The following CWC22 variants were observed in gnomAD, a reference collection of about 807,000 sequenced individuals.
CWC22 encodes pre-mRNA-splicing factor CWC22 homolog.
CWC22 carries 53 observed loss-of-function variants against 117.2 expected under a neutral mutation model. That is an observed-to-expected ratio of 0.45 (90% CI 0.36 to 0.57). CWC22 has a LOEUF of 0.57. Ranked by LOEUF, CWC22 falls within the 20% of genes least tolerant of loss-of-function variation. The pLI, the probability that CWC22 is intolerant of heterozygous loss-of-function variation, is 0.00. For synonymous variants in CWC22, 360 were observed against 355.6 expected, an observed-to-expected ratio of 1.01 and a Z score of -0.14; for missense variants, 980 against 1,068.8, an observed-to-expected ratio of 0.92 and a Z score of 1.16.
rs1411945384 is a variant in CWC22, at chr2:179,965,927, A to G, written c.1266T>C (p.Ser422=). The G allele has an allele frequency of 2.5e-6, 4 of 1,608,776 alleles. No individual in the cohort carries two copies. In the Admixed American group the frequency reaches 6.7e-5, roughly 27 times the overall value. The part of the protein sequence containing the change: ...DSNTDQDAGS[S]EEDEEEEEEE... ...CCTCTTCTTCTTCCTCGTCCTCTTC[A>G]CTACTCCCAGCATCCTGGTCTGTGT... Residue 422 remains serine, a synonymous_variant, in exon 12 of 20, where the codon AGT becomes AGC. Transcript: ENST00000410053.
In CWC22 at chr2:179,945,307, T is replaced by C. The variant is rs1413548655; in HGVS notation, c.2549A>G (p.Asp850Gly). ...IKDSENFRRK[D>G]RSKSKEMNRK... Reference sequence around the variant, plus strand: ...ATTCATTTCCTTTGACTTTGATCTATCTTTTCTTCTGAAATTTTCACTGTC... The same window carrying C: ...ATTCATTTCCTTTGACTTTGATCTACCTTTTCTTCTGAAATTTTCACTGTC... Residue 850 changes from aspartate (D) to glycine (G), a missense_variant, in exon 20 of 20, where the codon GAT becomes GGT. By Grantham distance (94) the Asp-to-Gly change is moderately conservative. This residue lies in a region of CWC22 where 306 missense variants were observed against 296.8 expected (regional missense o/e 1.03). Coordinates refer to ENST00000410053, the MANE Select transcript of CWC22 (RefSeq NM_020943.3). The C allele has an allele frequency of 6.2e-7, 1 of 1,613,438 alleles. No individual in the cohort carries two copies. The highest frequency in any genetic ancestry group is 2.2e-5 in the East Asian group (1 of 44,872).
chr2:180,005,474 G>A (rs188995097), intron 1 of CWC22, among the ~76,000 whole-genome samples: 16 of 152,326 alleles, frequency 1.1e-4, no homozygotes, highest in African/African-American at 3.6e-4. Flanking sequence ...TACTTGGGAG[G>A]CTGAGGCAGG....
intron 13 of CWC22, among the ~76,000 whole-genome samples, chr2:179,963,300 T>C (rs1031695968): frequency 4.0e-5 from 6 of 151,700 alleles, no homozygotes; most frequent in Admixed American, 3.9e-4. Context: ...ATTTCTCACT[T>C]TTCACTTTAA....
At chr2:179,973,166 G>A (rs146623301) in intron 8 of CWC22, 27 bp downstream of exon 8, 1 of 1,540,460 alleles carries the variant, frequency 6.5e-7, no homozygotes, top group Non-Finnish European at 8.9e-7. Flanking sequence ...CACTGAATGG[G>A]ACCAAGTATT....
intron 3 of CWC22, among the ~76,000 whole-genome samples, chr2:179,988,039 C>T (rs974136275): frequency 2.0e-5 from 3 of 152,042 alleles, no homozygotes; most frequent in Admixed American, 6.6e-5. Flanking sequence ...CTAGATCCCT[C>T]ACATGCACAG....
rs763949244 is a variant in CWC22, at chr2:179,970,730, C to A, written c.1067G>T (p.Gly356Val). Reference sequence around the variant, plus strand: ...ATCATCTTCTTCCACCAAATCAAGACCTTCTAGGATAATGGGGTGGTCCTT... The same window carrying A: ...ATCATCTTCTTCCACCAAATCAAGAACTTCTAGGATAATGGGGTGGTCCTT... ...GFKDHPIILEGLDLVEEDDQF... is the reference protein window; with the variant it reads ...GFKDHPIILEVLDLVEEDDQF... Residue 356 changes from glycine (G) to valine (V), a missense_variant, in exon 10 of 20, where the codon GGT becomes GTT. Transcript: ENST00000410053. 7 of 1,613,574 alleles carry A rather than the reference C, an allele frequency of 4.3e-6. No homozygotes were observed. The African/African-American group carries it at 5.3e-5, about 12-fold the overall frequency.
chr2:179,951,362 G>A (rs1686444492), intron 17 of CWC22, among the ~76,000 whole-genome samples: 1 of 151,946 alleles, frequency 6.6e-6, no homozygotes, highest in South Asian at 2.1e-4. Flanking sequence ...AGAGGTGGAA[G>A]TCATCAACAA....
In CWC22 at chr2:179,950,880, T is replaced by C. The variant is rs1329485427; in HGVS notation, c.1864A>G (p.Arg622Gly). The change falls in exon 18 of 20, where the codon AGA becomes GGA. Residue 622 changes from arginine (R) to glycine (G), a missense_variant. Physicochemically the swap from Arg to Gly is moderately radical, Grantham distance 125. This residue lies in a region of CWC22 where 115 missense variants were observed against 169.8 expected (regional missense o/e 0.68). Coordinates refer to ENST00000410053, the MANE Select transcript of CWC22 (RefSeq NM_020943.3). ...AAGTTGATGGCAAACCGAGTGTTTC[T>C]TGGATTATCTCGGGGTAATAATCCT... is the stretch of plus-strand genomic sequence containing the variant. ...FEGLLPRDNP[R>G]NTRFAINFFT... The C allele has an allele frequency of 1.9e-6, 3 of 1,590,680 alleles. No individual in the cohort carries two copies. Among genetic ancestry groups the C allele is most frequent in the Non-Finnish European group, 2.6e-6 (3 of 1,167,176 alleles).
chr2:179,988,222 C>T (rs1458453835), intron 3 of CWC22, among the ~76,000 whole-genome samples: 1 of 152,146 alleles, frequency 6.6e-6, no homozygotes, highest in Admixed American at 6.5e-5. Context: ...ATTTTAAAGA[C>T]AATACAGAGC....
At chr2:179,982,281 G>C (rs781352771) in intron 4 of CWC22, among the ~76,000 whole-genome samples, 14 of 152,202 alleles carry the variant, frequency 9.2e-5, no homozygotes, top group Non-Finnish European at 1.6e-4. Context: ...ACTGAGCAGG[G>C]GTGTTAAGGT....
intron 3 of CWC22, among the ~76,000 whole-genome samples, chr2:179,988,145 C>T (rs1429269194): frequency 6.6e-6 from 1 of 152,208 alleles, no homozygotes; most frequent in Non-Finnish European, 1.5e-5. Context: ...GCCTGCTGCT[C>T]ACCTGCTGTG....
At chr2:179,965,024 A>G (rs939261366) in intron 12 of CWC22, among the ~76,000 whole-genome samples, 1 of 152,202 alleles carries the variant, frequency 6.6e-6, no homozygotes, top group Non-Finnish European at 1.5e-5. Context: ...CTAGATCATC[A>G]CGACAGGCTG....
intron 1 of CWC22, among the ~76,000 whole-genome samples, chr2:179,999,557 A>G (rs1440209332): frequency 1.3e-5 from 2 of 152,220 alleles, no homozygotes; most frequent in Admixed American, 1.3e-4. Flanking sequence ...CTCAAAAATT[A>G]AGAAAATGAG....
At chr2:179,958,791 A>T (rs889101616) in intron 14 of CWC22, among the ~76,000 whole-genome samples, 1 of 151,954 alleles carries the variant, frequency 6.6e-6, no homozygotes, top group Non-Finnish European at 1.5e-5. Flanking sequence ...TGTTTCAGAG[A>T]CTCTCTTTTT....
In CWC22 at chr2:179,993,384, C is replaced by A; in HGVS notation, c.-43G>T. The A allele has an allele frequency of 6.8e-7, 1 of 1,476,968 alleles. No homozygotes were observed. The highest frequency in any genetic ancestry group is 1.4e-5 in the African/African-American group (1 of 72,040). The allele number at this position is 1,476,968 out of a possible 1,614,324, so 91.5% of individuals were successfully genotyped here. On this transcript the variant is annotated 5_prime_UTR_variant, in exon 2 of 20. Transcript: ENST00000410053. ...TCCAATAAATCAAAGATGCTTCAAA[C>A]TGGTCCAAATAACAAGTACCCAATG...
Position 179,955,012 on chromosome 2 carries a change from A to T in CWC22, c.1481T>A (p.Leu494His). The change falls in exon 15 of 20, where the codon CTT (leucine) becomes CAT (histidine). Residue 494 changes from leucine to histidine, a missense_variant. Leu to His is a moderately conservative substitution (Grantham distance 99). Transcript: ENST00000410053. ...SQTKELCNMI[L>H]DCCAQQRTYE... ...TGTCCTCTGTTGGGCACAGCAATCA[A>T]GTATCATGTTGCAGAGTTCTTTCTA... 1 of 1,600,756 alleles carries T rather than the reference A, an allele frequency of 6.2e-7. No homozygotes were observed. The highest frequency in any genetic ancestry group is 8.5e-7 in the Non-Finnish European group (1 of 1,172,828).
chr2:180,004,967 G>A (rs1687935487), intron 1 of CWC22, among the ~76,000 whole-genome samples: 1 of 150,964 alleles, frequency 6.6e-6, no homozygotes, highest in Non-Finnish European at 1.5e-5. Flanking sequence ...CCTAAAGGAT[G>A]AGCCAGAGCA....
chr2:179,946,423 C>T (rs572700439), intron 19 of CWC22, among the ~76,000 whole-genome samples: 1 of 122,272 alleles, frequency 8.2e-6, no homozygotes, highest in South Asian at 2.5e-4. Flanking sequence ...TACACCCCAG[C>T]CTGGGTAACA....
intron 3 of CWC22, among the ~76,000 whole-genome samples, chr2:179,987,034 T>C (rs926124937): frequency 6.6e-6 from 1 of 152,146 alleles, no homozygotes; most frequent in Admixed American, 6.5e-5. Context: ...CCAAACTTAC[T>C]TGTTTAGTGA....
Sources: allele counts gnomAD v4.1 joint callset (sites outside exome capture counted in the v4.1 genomes callset), GRCh38; gene constraint gnomAD v4.1.1; regional missense constraint gnomAD v4.1.1; transcripts MANE v1.5; gene names NCBI Gene and HGNC (gene_info 2026-07-23, HGNC 2026-07-21).